Variants in BANP observed in about 807,000 individuals in gnomAD.
BANP encodes BTG3 associated nuclear protein.
BANP carries 11 observed loss-of-function variants against 68.1 expected under a neutral mutation model. That is an observed-to-expected ratio of 0.16 (90% CI 0.10 to 0.27). The LOEUF (loss-of-function observed/expected upper bound fraction) is 0.27, where lower values mean the gene tolerates loss of function less well. Ranked by LOEUF, BANP falls within the 10% of genes least tolerant of loss-of-function variation. The probability of loss-of-function intolerance (pLI) is 1.00; values close to 1 mark genes in which losing one functional copy is unlikely to be tolerated. For synonymous variants in BANP, 329 were observed against 303.2 expected (o/e 1.09, Z -0.88); for missense variants, 504 against 722.7 (o/e 0.70, Z 3.47).
intron 8 of BANP, among the ~76,000 whole-genome samples, chr16:88,030,821 T>G (rs140801337): frequency 6.6e-6 from 1 of 152,190 alleles, no homozygotes; most frequent in South Asian, 2.1e-4. Flanking sequence ...GTGGAGTGTT[T>G]TGGAGCTGCT....
chr16:88,047,214 C>T (rs2082231535), intron 11 of BANP, among the ~76,000 whole-genome samples: 1 of 152,150 alleles, frequency 6.6e-6, no homozygotes, highest in South Asian at 2.1e-4. Flanking sequence ...GGAGTTTGGG[C>T]TTGATGCGGG....
intron 7 of BANP, among the ~76,000 whole-genome samples, chr16:88,024,999 A>G (rs1353388530): frequency 6.6e-6 from 1 of 152,192 alleles, no homozygotes; most frequent in Admixed American, 6.5e-5. Context: ...GTATGGACTC[A>G]TTCATCCTTC....
intron 4 of BANP, among the ~76,000 whole-genome samples, chr16:87,998,149 C>T (rs1315283834): frequency 1.3e-5 from 2 of 152,184 alleles, no homozygotes; most frequent in African/African-American, 2.4e-5. Flanking sequence ...CAGTCTTCAC[C>T]CATGTCCTGT....
Position 88,076,653 on chromosome 16 carries a change from A to T in BANP, c.1585A>T (p.Ile529Phe), listed in dbSNP as rs1361226023. The T allele has an allele frequency of 1.9e-6, 3 of 1,608,724 alleles. No homozygotes were observed. Among genetic ancestry groups the T allele is most frequent in the Non-Finnish European group, 2.5e-6 (3 of 1,179,534 alleles). ...EMQLEHGAIQ[I>F]Q The stretch of plus-strand genomic sequence containing the variant: ...GCAGCTCGAGCACGGGGCCATCCAG[A>T]TTCAGTGAGCGGTGCCCATGGCACC... Residue 529 changes from isoleucine (I) to phenylalanine (F), a missense_variant, in exon 14 of 14, where the codon ATT becomes TTT. This residue lies in a region of BANP where 223 missense variants were observed against 246.2 expected (regional missense o/e 0.91). Transcript: ENST00000682872.
At chr16:88,016,823 T>TTC (rs2074687904) in intron 6 of BANP, among the ~76,000 whole-genome samples, 1 of 152,206 alleles carries the variant, frequency 6.6e-6, no homozygotes, top group South Asian at 2.1e-4. Flanking sequence ...ATCCCTGTAC[T>TTC]TCTAAACCAC....
intron 11 of BANP, among the ~76,000 whole-genome samples, chr16:88,058,930 T>C (rs1051316635): frequency 5.3e-5 from 8 of 152,314 alleles, no homozygotes; most frequent in South Asian, 2.1e-4. Flanking sequence ...TGCCGGCTTT[T>C]CCTTCTGCCT....
rs143630733 is a variant in BANP, at chr16:88,072,593, A to G, written c.1521+381A>G. ...CGTTGAAGGTCTCAGCTCGGGGCAG[A>G]GCCAGTACCTCGGGCTGCTGTGGCC... On this transcript the variant is annotated intron_variant, in intron 13 of 13. Transcript: ENST00000682872. Among the ~76,000 whole-genome samples, 988 of 152,360 alleles carry G rather than the reference A, an allele frequency of 6.5e-3. 8 individuals are homozygous for G. The highest frequency in any genetic ancestry group is 0.023 in the African/African-American group (940 of 41,594).
intron 7 of BANP, among the ~76,000 whole-genome samples, chr16:88,021,735 C>T (rs1301749160): frequency 3.9e-5 from 6 of 152,204 alleles, no homozygotes; most frequent in East Asian, 3.8e-4. Context: ...TGGAATTGGC[C>T]GCATTGCCCC....
At chr16:88,069,806 C>A (rs2089840527) in intron 12 of BANP, among the ~76,000 whole-genome samples, 1 of 152,242 alleles carries the variant, frequency 6.6e-6, no homozygotes, top group African/African-American at 2.4e-5. Context: ...GACCCTTGAA[C>A]AACACAGGTT....
Position 88,076,818 on chromosome 16 carries a change from A to G in BANP, c.*157A>G, listed in dbSNP as rs1304581866. On this transcript the variant is annotated 3_prime_UTR_variant, in exon 14 of 14. Transcript: ENST00000682872. ...CTCCGCGGGGAACAGCATCCTATCA[A>G]CTGAAAGAGCAGCCGCCGCCGCCCC... The G allele has an allele frequency of 1.1e-5, 7 of 620,168 alleles. No individual in the cohort carries two copies. Among genetic ancestry groups the G allele is most frequent in the East Asian group, 2.9e-5 (1 of 33,954 alleles). The allele number at this position is 620,168 out of a possible 1,614,324, so 38.4% of individuals were successfully genotyped here.
At chr16:87,963,589 CCTTAGGACTTTT>C (rs1234487663) in intron 1 of BANP, 1 of 152,166 alleles carries the variant, frequency 6.6e-6, no homozygotes. Flanking sequence ...TCAGATGCAG[CCTTAGGACTTTT>C]CTTAAGGGTT....
intron 6 of BANP, among the ~76,000 whole-genome samples, chr16:88,016,849 C>A (rs1174194120): frequency 6.6e-6 from 1 of 152,202 alleles, no homozygotes; most frequent in African/African-American, 2.4e-5. Context: ...AGCATCGATG[C>A]TCCTTACTCA....
intron 9 of BANP, among the ~76,000 whole-genome samples, chr16:88,034,443 G>A (rs1328269665): frequency 1.3e-5 from 2 of 151,066 alleles, no homozygotes; most frequent in East Asian, 3.9e-4. Context: ...TTATTTGTCT[G>A]CCCATATGTA....
chr16:88,068,602 T>A (rs9921380), intron 12 of BANP, among the ~76,000 whole-genome samples: 1 of 151,910 alleles, frequency 6.6e-6, no homozygotes, highest in Non-Finnish European at 1.5e-5. Flanking sequence ...AAGAGCCCAC[T>A]GGTGCGGGTG....
intron 4 of BANP, among the ~76,000 whole-genome samples, chr16:87,988,753 G>A (rs1231779472): frequency 1.3e-5 from 2 of 152,164 alleles, no homozygotes; most frequent in Non-Finnish European, 2.9e-5. Context: ...GAGTTGTGAC[G>A]AGGCCCCCGG....
intron 4 of BANP, among the ~76,000 whole-genome samples, chr16:87,992,366 C>G (rs907649405): frequency 6.6e-6 from 1 of 152,148 alleles, no homozygotes; most frequent in Middle Eastern, 3.2e-3. Flanking sequence ...ACCTCAGCAA[C>G]GGAGCTGGGA....
chr16:88,073,302 C>T (rs72818568), intron 13 of BANP, among the ~76,000 whole-genome samples: 1,693 of 152,344 alleles, frequency 0.011, 10 homozygotes, highest in Non-Finnish European at 0.017. Context: ...CAGCTGCGGG[C>T]CCAGAGTTTA....
Position 87,984,184 on chromosome 16 carries a change from A to C in BANP, c.287A>C (p.Gln96Pro), listed in dbSNP as rs769959377. 6.2e-7 allele frequency: 1 copy of C among 1,607,836 alleles called. No homozygotes were observed. Among genetic ancestry groups the C allele is most frequent in the East Asian group, 2.2e-5 (1 of 44,610 alleles). Residue 96 changes from glutamine (Q) to proline (P), a missense_variant, in exon 4 of 14, where the codon CAG (glutamine) becomes CCG (proline). Around this residue, in one of 3 missense-constraint regions of BANP, gnomAD observed 238 missense variants for 278.9 expected, o/e 0.85. Transcript: ENST00000682872. ...EEKLDLVTNK[Q>P]HSPIQVPMVA... is the part of the protein sequence containing the mutation. ...AAGCTGGATCTGGTCACGAACAAGC[A>C]GCACAGCCCCATCCAGGTCCCCATG...
intron 11 of BANP, among the ~76,000 whole-genome samples, chr16:88,047,377 G>C (rs1367036592): frequency 6.6e-6 from 1 of 152,218 alleles, no homozygotes; most frequent in Non-Finnish European, 1.5e-5. Context: ...AGTCAAGGCA[G>C]TATTTTCATG....
Sources: allele counts gnomAD v4.1 joint callset (sites outside exome capture counted in the v4.1 genomes callset), GRCh38; gene constraint gnomAD v4.1.1; regional missense constraint gnomAD v4.1.1; transcripts MANE v1.5; gene names NCBI Gene and HGNC (gene_info 2026-07-23, HGNC 2026-07-21).